The following GOLGA8M variants were observed in gnomAD, a reference collection of about 807,000 sequenced individuals.
The protein encoded by GOLGA8M is golgin subfamily A member 8M.
A neutral mutation model predicts 87.7 loss-of-function variants in GOLGA8M; 34 were observed. The observed-to-expected ratio is 0.39, with a 90% confidence interval of 0.29 to 0.52. The LOEUF is 0.52. GOLGA8M is among the 20% of genes least tolerant of loss of function. GOLGA8M has a pLI of 0.80. For missense variants in GOLGA8M, 396 were observed against 682.2 expected, an observed-to-expected ratio of 0.58 and a Z score of 4.67; for synonymous variants, 138 against 250.2, an observed-to-expected ratio of 0.55 and a Z score of 4.23.
chr15:28,702,818 G>C (rs1017894124), intron 15 of GOLGA8M, 73 bp from the exon 16 acceptor site: 42 of 1,577,026 alleles, frequency 2.7e-5, no homozygotes, highest in Non-Finnish European at 2.4e-5. Flanking sequence ...TCATGGAGAA[G>C]GTGGAGGTGA....
intron 1 of GOLGA8M, chr15:28,711,868 G>C: frequency 1.0e-6 from 1 of 984,924 alleles, no homozygotes; most frequent in Non-Finnish European, 1.2e-6. Flanking sequence ...CCTTGAGGCA[G>C]CAGGAGGGGA....
chr15:28,707,148 A>C (rs955849123), intron 8 of GOLGA8M, among the ~76,000 whole-genome samples: 1 of 135,952 alleles, frequency 7.4e-6, no homozygotes, highest in Non-Finnish European at 1.5e-5. Flanking sequence ...GGTCTATCCA[A>C]TTCTCTAAGC....
chr15:28,704,525 C>G (rs115271720), intron 13 of GOLGA8M, among the ~76,000 whole-genome samples: 1 of 150,418 alleles, frequency 6.6e-6, no homozygotes, highest in Non-Finnish European at 1.5e-5. Context: ...ATGCAAAGTA[C>G]TTGAACGGTG....
chr15:28,705,643 G>T lies in GOLGA8M; in HGVS notation c.971C>A (p.Ala324Asp). Residue 324 changes from alanine to aspartate, a missense_variant, in exon 12 of 19, where the codon GCC becomes GAC. Transcript: ENST00000563027. Reference protein sequence around the residue: ...ELERVAGELQAQVKNNQRISL... With the variant: ...ELERVAGELQDQVKNNQRISL... ...TATGCGCTGATTGTTTTTGACCTGG[G>T]CCTGGAGCTCTCCTGCCACTCTCTC... 2 of 1,589,682 alleles carry T rather than the reference G, an allele frequency of 1.3e-6. No individual in the cohort carries two copies. The highest frequency in any genetic ancestry group is 8.5e-7 in the Non-Finnish European group (1 of 1,178,918).
At chr15:28,708,849 C>G (rs1432129520) in intron 4 of GOLGA8M, among the ~76,000 whole-genome samples, 2 of 150,078 alleles carry the variant, frequency 1.3e-5, no homozygotes, top group African/African-American at 4.9e-5. Context: ...GCCTTTAAAT[C>G]TCAGACTCGA....
chr15:28,709,868 T>C (rs1032461351), intron 2 of GOLGA8M, among the ~76,000 whole-genome samples: 5 of 147,834 alleles, frequency 3.4e-5, no homozygotes, highest in African/African-American at 1.3e-4. Flanking sequence ...AAAGACCATA[T>C]CCTGGGTGTC....
At chr15:28,711,553 G>A (rs2080196036) in intron 1 of GOLGA8M, 1 of 961,194 alleles carries the variant, frequency 1.0e-6, no homozygotes, top group Non-Finnish European at 1.2e-6. Context: ...AGGCAGCCTG[G>A]AACCTCTTGC....
Position 28,706,451 on chromosome 15 carries a change from A to C in GOLGA8M, c.734T>G (p.Leu245Arg). The C allele has an allele frequency of 1.7e-6, 2 of 1,156,664 alleles. No homozygotes were observed. Among genetic ancestry groups the C allele is most frequent in the South Asian group, 2.6e-5 (2 of 78,174 alleles). 71.7% of individuals were successfully genotyped at this position (1,156,664 alleles called of 1,614,324 possible). Reference sequence around the variant, plus strand: ...CTGCCACCGGGCCCTCTCTCCTTTTAGATGTTCAGAATACTCATCTCTTTC... The same window carrying C: ...CTGCCACCGGGCCCTCTCTCCTTTTCGATGTTCAGAATACTCATCTCTTTC... Reference protein sequence around the residue: ...QLERDEYSEHLKGERARWQQR... With the variant: ...QLERDEYSEHRKGERARWQQR... The change falls in exon 10 of 19, where the codon CTA (leucine) becomes CGA (arginine). Residue 245 changes from leucine (L) to arginine (R), a missense_variant. Physicochemically the swap from Leu to Arg is moderately radical, Grantham distance 102 (BLOSUM62 -2). Transcript: ENST00000563027.
Position 28,702,562 on chromosome 15 carries a change from C to A in GOLGA8M, c.1470G>T (p.Gln490His). The A allele has an allele frequency of 6.2e-7, 1 of 1,607,460 alleles. No homozygotes were observed. The highest frequency in any genetic ancestry group is 1.1e-5 in the South Asian group (1 of 91,026). Residue 490 changes from glutamine (Q) to histidine (H), a missense_variant and splice_region_variant, in exon 17 of 19, where the codon CAG becomes CAT. Physicochemically the swap from Gln to His is conservative, Grantham distance 24. Coordinates refer to ENST00000563027, the MANE Select transcript of GOLGA8M (RefSeq NM_001282468.3). ...GTTCTGATAAAAGGTGATGGATTTT[C>A]CTGCGGGAGGACGGGGCTCAGACGC... is the stretch of plus-strand genomic sequence containing the variant. ...FIQYWQERCHQKIHHLLSEPG... is the reference protein window; with the variant it reads ...FIQYWQERCHHKIHHLLSEPG...
chr15:28,701,655 TTG>T lies in GOLGA8M; in HGVS notation c.*297_*298del, dbSNP rs2079788101. Among the ~76,000 whole-genome samples, 1 of 152,050 alleles carries T rather than the reference TTG, an allele frequency of 6.6e-6. No homozygotes were observed. The highest frequency in any genetic ancestry group is 6.6e-5 in the Admixed American group (1 of 15,256). On this transcript the variant is annotated 3_prime_UTR_variant, in exon 19 of 19. Coordinates refer to ENST00000563027, the MANE Select transcript of GOLGA8M (RefSeq NM_001282468.3). Reference sequence around the variant, plus strand: ...ACAGTTTTGGGCAAAGAGTGGGTCTTTGTGTGTTTGAACTTCCACCACGTAAG... The same window carrying T: ...ACAGTTTTGGGCAAAGAGTGGGTCTTTGTGTTTGAACTTCCACCACGTAAG...
At chr15:28,703,158 C>G (rs187005727) in intron 15 of GOLGA8M, among the ~76,000 whole-genome samples, 161 bp downstream of exon 15, 2,808 of 129,042 alleles carry the variant, frequency 0.022, 228 homozygotes, top group African/African-American at 0.042. Context: ...CCCCCAGAGA[C>G]TGCACATGTT....
rs1199807207 is a variant in GOLGA8M at position 28,705,158 on chromosome 15, C to T, written c.1200+1G>A. ...GGGGTGGAGGTTTCCGACTCCTTCA[C>T]CTCGCCAAGCTTCTCCTGTAGCTCC... On this transcript the variant is annotated splice_donor_variant, in intron 13 of 18. Transcript: ENST00000563027. LOFTEE classifies it high-confidence loss of function. The T allele has an allele frequency of 7.5e-6, 12 of 1,598,302 alleles. No homozygotes were observed. The highest frequency in any genetic ancestry group is 8.5e-6 in the Non-Finnish European group (10 of 1,179,772).
chr15:28,702,445 A>G lies in GOLGA8M; in HGVS notation c.1567+20T>C. 2.1e-6 allele frequency: 1 copy of G among 473,616 alleles called. No homozygotes were observed. The highest frequency in any genetic ancestry group is 3.4e-6 in the Non-Finnish European group (1 of 297,844). 29.3% of individuals were successfully genotyped at this position (473,616 alleles called of 1,614,324 possible). ...CACCCACCCCCACCCCCACCCCCAC[A>G]GAGATGTTGCACACCCTACCTTCAT... is the stretch of plus-strand genomic sequence containing the variant. On this transcript the variant is annotated intron_variant, in intron 17 of 18. Transcript: ENST00000563027.
Position 28,702,735 on chromosome 15 carries a change from A to G in GOLGA8M, c.1379T>C (p.Met460Thr). The G allele has an allele frequency of 6.2e-7, 1 of 1,600,876 alleles. No individual in the cohort carries two copies. Among genetic ancestry groups the G allele is most frequent in the South Asian group, 1.1e-5 (1 of 90,936 alleles). The change falls in exon 16 of 19, where the codon ATG becomes ACG. Residue 460 changes from methionine to threonine, a missense_variant. Transcript: ENST00000563027. ...GTCTGCCTTCTCCTCCAGGTGGTCC[A>G]TAAAGCTGCTCTGGAGCCAAAATAT... ...PESREAMSSF[M>T]DHLEEKADLS...
chr15:28,713,124 G>C (rs4296229), upstream of GOLGA8M, among the ~76,000 whole-genome samples: 80 of 151,804 alleles, frequency 5.3e-4, no homozygotes, highest in African/African-American at 1.9e-3. Flanking sequence ...TGGATCATGA[G>C]GTCAGGAGAT....
In GOLGA8M at chr15:28,712,368, T is replaced by C. The variant is rs2080220834; in HGVS notation, c.-45A>G. ...CAGGGTTGGGGCCACAGCAGCAAAA[T>C]CGCAATGAGAACCGATCAAGGCCTC... On this transcript the variant is annotated 5_prime_UTR_variant, in exon 1 of 19. Coordinates refer to ENST00000563027, the MANE Select transcript of GOLGA8M (RefSeq NM_001282468.3). 1.4e-6 allele frequency: 2 copies of C among 1,464,424 alleles called. No homozygotes were observed. The highest frequency in any genetic ancestry group is 4.8e-5 in the East Asian group (2 of 41,264). 90.7% of individuals were successfully genotyped at this position (1,464,424 alleles called of 1,614,324 possible).
chr15:28,699,003 T>C lies in GOLGA8M; in HGVS notation c.*2951A>G, dbSNP rs946322873. Among the ~76,000 whole-genome samples, 92 of 147,288 alleles carry C rather than the reference T, an allele frequency of 6.2e-4. No individual in the cohort carries two copies. Among genetic ancestry groups the C allele is most frequent in the African/African-American group, 2.3e-3 (91 of 39,410 alleles). On this transcript the variant is annotated 3_prime_UTR_variant, in exon 19 of 19. Coordinates refer to ENST00000563027, the MANE Select transcript of GOLGA8M (RefSeq NM_001282468.3). ...TCTTTCTTTTATACTACAGTATTCA[T>C]ATTTTAAAATGTTTTAAATTATTTC...
At position 28,701,013 on chromosome 15, in the gene GOLGA8M, C is replaced by T. The variant is rs375395739; in HGVS notation, c.*941G>A. Among the ~76,000 whole-genome samples, 350 of 151,364 alleles carry T rather than the reference C, an allele frequency of 2.3e-3. 3 individuals carry two copies. Among genetic ancestry groups the T allele is most frequent in the East Asian group, 5.5e-3 (28 of 5,126 alleles). ...TTGTGTACTGGGACATGTAGTCATG[C>T]GATTAAAACAGGTAACATGAACTCT... On this transcript the variant is annotated 3_prime_UTR_variant, in exon 19 of 19. Coordinates refer to ENST00000563027, the MANE Select transcript of GOLGA8M (RefSeq NM_001282468.3).
chr15:28,706,915 G>A lies in GOLGA8M; in HGVS notation c.592-216C>T, dbSNP rs2080049965. ...TAGCTGGCTAACAGAGGCCCAGAGA[G>A]ATCAGATAATATTGCTATTGTTATT... On this transcript the variant is annotated intron_variant, in intron 8 of 18. Transcript: ENST00000563027. Among the ~76,000 whole-genome samples the A allele has an allele frequency of 2.8e-5, 4 of 144,184 alleles. 1 individual carries two copies. The Admixed American group carries it at 3.0e-4, about 11-fold the overall frequency. 94.6% of individuals were successfully genotyped at this position (144,184 alleles called of 152,430 possible).
Sources: gnomAD v4.1 joint callset for allele counts (sites outside exome capture counted in the v4.1 genomes callset) on GRCh38, gnomAD v4.1.1 for gene constraint, MANE v1.5 for transcripts, NCBI Gene and HGNC (gene_info 2026-07-23, HGNC 2026-07-21) for gene names.